UBN1: variants seen among roughly 807,000 people sequenced by gnomAD.
UBN1 encodes the protein ubinuclein 1.
UBN1 carries 17 observed loss-of-function variants against 108.5 expected under a neutral mutation model. That is an observed-to-expected ratio of 0.16 (90% CI 0.11 to 0.24). The LOEUF is 0.24. UBN1 is among the 10% of genes least tolerant of loss of function. The pLI is 1.00. For missense variants in UBN1, 1,595 were observed against 1,394.4 expected (o/e 1.14, Z -2.29); for synonymous variants, 726 against 564.2 (o/e 1.29, Z -4.07).
chr16:4,859,040 C>A lies in UBN1; in HGVS notation c.448C>A (p.Pro150Thr). Residue 150 changes from proline to threonine, a missense_variant, in exon 5 of 18, where the codon CCT (proline) becomes ACT (threonine). By Grantham distance (38) the Pro-to-Thr change is conservative (BLOSUM62 -1). Transcript: ENST00000262376. ...CCATCTTCAGTATGATGAGCTTGTT[C>A]CTGCTTCTTTGACTACGAAGTATGG... ...DNSEAYDELV[P>T]ASLTTKYGGF... is the part of the protein sequence containing the mutation. 1 of 1,613,868 alleles carries A rather than the reference C, an allele frequency of 6.2e-7. No individual in the cohort carries two copies. The highest frequency in any genetic ancestry group is 8.5e-7 in the Non-Finnish European group (1 of 1,179,946).
chr16:4,876,782 C>T (rs185360581), intron 15 of UBN1, 89 bp from the exon 16 acceptor site: 2 of 1,512,854 alleles, frequency 1.3e-6, no homozygotes, highest in African/African-American at 2.8e-5. Flanking sequence ...TGTGGACACA[C>T]AAGGAGGATC....
Position 4,849,403 on chromosome 16 carries a change from A to G in UBN1, c.-40+1193A>G, listed in dbSNP as rs934464840. Among the ~76,000 whole-genome samples the G allele has an allele frequency of 1.3e-5, 2 of 152,210 alleles. 1 individual carries two copies. Among genetic ancestry groups the G allele is most frequent in the Non-Finnish European group, 2.9e-5 (2 of 68,034 alleles). ...TAAGAATTCAGGAAGGGTACTCATTATAAGTTGGAATGCACAATTTAGTTT... is the reference window on the plus strand; with the variant it reads ...TAAGAATTCAGGAAGGGTACTCATTGTAAGTTGGAATGCACAATTTAGTTT... On this transcript the variant is annotated intron_variant, in intron 1 of 17. Transcript: ENST00000262376.
intron 1 of UBN1, among the ~76,000 whole-genome samples, chr16:4,849,131 C>A (rs973548985): frequency 6.6e-6 from 1 of 152,140 alleles, no homozygotes; most frequent in African/African-American, 2.4e-5. Context: ...AAAAAAAAAT[C>A]TCAAATGAAC....
chr16:4,877,153 A>T lies in UBN1; in HGVS notation c.3265+42A>T, dbSNP rs769249785. 1.3e-6 allele frequency: 2 copies of T among 1,562,454 alleles called. No individual in the cohort carries two copies. Among genetic ancestry groups the T allele is most frequent in the South Asian group, 2.4e-5 (2 of 82,286 alleles). Reference sequence around the variant, plus strand: ...TGCCTCTGGTCACTCAGGAACCTCTAGATTGTGGCCAGGGGTCCTGCTGTT... The same window carrying T: ...TGCCTCTGGTCACTCAGGAACCTCTTGATTGTGGCCAGGGGTCCTGCTGTT... On this transcript the variant is annotated intron_variant, in intron 16 of 17. Coordinates refer to ENST00000262376, the MANE Select transcript of UBN1 (RefSeq NM_001079514.3). This position sits in a 1 kb window ranked among gnomAD's most constrained non-coding sequence, Gnocchi z 4.3.
chr16:4,867,827 C>T (rs1006295868), intron 7 of UBN1, among the ~76,000 whole-genome samples: 2 of 152,094 alleles, frequency 1.3e-5, no homozygotes, highest in African/African-American at 4.8e-5. Flanking sequence ...TCCCTTCATT[C>T]TAGATAGTCA....
intron 7 of UBN1, among the ~76,000 whole-genome samples, chr16:4,864,149 C>A (rs1290156769): frequency 7.3e-6 from 1 of 137,820 alleles, no homozygotes; most frequent in Non-Finnish European, 1.5e-5. Context: ...GGTGCAATCT[C>A]AGCTCACTGC....
intron 12 of UBN1, among the ~76,000 whole-genome samples, chr16:4,871,690 C>T (rs897296531): frequency 2.7e-5 from 4 of 150,306 alleles, no homozygotes; most frequent in African/African-American, 9.8e-5. Context: ...AGGTTCACGC[C>T]GTTCTCCTGC....
chr16:4,854,774 A>G (rs561810866), intron 2 of UBN1, among the ~76,000 whole-genome samples: 3 of 148,452 alleles, frequency 2.0e-5, no homozygotes, highest in Non-Finnish European at 4.5e-5. Context: ...CCAGGCTGGC[A>G]TGCAGTGGTG....
Position 4,876,499 on chromosome 16 carries a change from A to G in UBN1, c.3025-372A>G, listed in dbSNP as rs140765718. ...TATAAATATCCATGAACATTTATGG[A>G]TATCTATATTACATTTTTCCCTTCA... On this transcript the variant is annotated intron_variant, in intron 15 of 17. Transcript: ENST00000262376. Among the ~76,000 whole-genome samples the G allele has an allele frequency of 2.6e-5, 4 of 151,928 alleles. No homozygotes were observed. The East Asian group carries it at 7.8e-4, about 30-fold the overall frequency.
In UBN1 at chr16:4,874,620, A is replaced by G; in HGVS notation, c.2210A>G (p.Asn737Ser). The part of the protein sequence containing the change: ...PPASSLQSPL[N>S]FLAEQALALG... ...GCTAGCTCTCTGCAGTCACCCCTCAATTTTCTGGCAGAACAGGCTCTGGCA... is the reference window on the plus strand; with the variant it reads ...GCTAGCTCTCTGCAGTCACCCCTCAGTTTTCTGGCAGAACAGGCTCTGGCA... Residue 737 changes from asparagine to serine, a missense_variant, in exon 15 of 18, where the codon AAT (asparagine) becomes AGT (serine). Coordinates refer to ENST00000262376, the MANE Select transcript of UBN1 (RefSeq NM_001079514.3). 8 of 1,613,912 alleles carry G rather than the reference A, an allele frequency of 5.0e-6. No individual in the cohort carries two copies. Among genetic ancestry groups the G allele is most frequent in the Non-Finnish European group, 6.8e-6 (8 of 1,179,968 alleles).
In UBN1 at chr16:4,847,501, G is replaced by A; in HGVS notation, c.-749G>A. ...CTCCCGGCTCCTTCCCCCTCCCTTCGGCTCGTGACAACGAAGCGCCCGCGG... is the reference window on the plus strand; with the variant it reads ...CTCCCGGCTCCTTCCCCCTCCCTTCAGCTCGTGACAACGAAGCGCCCGCGG... On this transcript the variant is annotated 5_prime_UTR_variant, in exon 1 of 18. Transcript: ENST00000262376. 2 of 547,322 alleles carry A rather than the reference G, an allele frequency of 3.7e-6. No individual in the cohort carries two copies. Among genetic ancestry groups the A allele is most frequent in the Non-Finnish European group, 6.2e-6 (2 of 324,918 alleles). 33.9% of individuals were successfully genotyped at this position (547,322 alleles called of 1,614,324 possible). A position where few individuals can be genotyped will look rare whatever the true frequency, so the allele number is the denominator to read the frequency against.
At chr16:4,865,896 A>G (rs549053403) in intron 7 of UBN1, among the ~76,000 whole-genome samples, 7 of 152,246 alleles carry the variant, frequency 4.6e-5, no homozygotes, top group African/African-American at 1.7e-4. Flanking sequence ...CGGGAGGTGG[A>G]GGTTGCAGTG....
intron 2 of UBN1, 129 bp downstream of exon 2, chr16:4,853,295 C>T (rs1596473316): frequency 7.7e-7 from 1 of 1,296,498 alleles, no homozygotes. Context: ...CTGTCACTCA[C>T]TCAAGGCAAG....
intron 7 of UBN1, among the ~76,000 whole-genome samples, chr16:4,863,326 G>A (rs908914216): frequency 6.6e-6 from 1 of 152,108 alleles, no homozygotes; most frequent in Non-Finnish European, 1.5e-5. Flanking sequence ...CTGCACTTGG[G>A]GCACTTGGAG....
At position 4,877,304 on chromosome 16, in the gene UBN1, T is replaced by C; in HGVS notation, c.3266-81T>C. 6.5e-7 allele frequency: 1 copy of C among 1,547,808 alleles called. No homozygotes were observed. On this transcript the variant is annotated intron_variant, in intron 16 of 17. Transcript: ENST00000262376. This position sits in a 1 kb window ranked among gnomAD's most constrained non-coding sequence, Gnocchi z 4.3. ...ACTGGCCTGGCAGGTTATCGGGGGC[T>C]TTTGGCTGCTGGAGCTGCTTTCCTG...
rs1322855836 is a variant in UBN1, at chr16:4,875,185, C to G, written c.2775C>G (p.Val925=). Residue 925 remains valine (V), a synonymous_variant, in exon 15 of 18, where the codon GTC becomes GTG. Transcript: ENST00000262376. ...SGSSSSGGTP[V]QSSVSGSLVP... ...GCTCTTCCTCGGGAGGAACACCAGT[C>G]CAGAGTTCTGTTTCTGGGAGCCTGG... The G allele has an allele frequency of 1.9e-6, 3 of 1,614,122 alleles. No homozygotes were observed. The highest frequency in any genetic ancestry group is 2.5e-6 in the Non-Finnish European group (3 of 1,180,056).
intron 15 of UBN1, 35 bp downstream of exon 15, chr16:4,875,469 C>G (rs1471772181): frequency 6.4e-7 from 1 of 1,570,832 alleles, no homozygotes; most frequent in Non-Finnish European, 8.6e-7. Context: ...CCCTGCCCCA[C>G]TCACAGGGGC....
At chr16:4,867,149 T>G (rs2087373717) in intron 7 of UBN1, among the ~76,000 whole-genome samples, 1 of 152,176 alleles carries the variant, frequency 6.6e-6, no homozygotes. Flanking sequence ...AAAGAGCTGC[T>G]GAAGGGTTCT....
chr16:4,854,430 G>C lies in UBN1; in HGVS notation c.249+1264G>C, dbSNP rs550445387. The stretch of plus-strand genomic sequence containing the variant: ...GCAATCTTGGCTCACTGCAACTTCC[G>C]CCTCCCAGGTTCAAATGTTTCTCCT... On this transcript the variant is annotated intron_variant, in intron 2 of 17. Transcript: ENST00000262376. Among the ~76,000 whole-genome samples, 3 of 150,804 alleles carry C rather than the reference G, an allele frequency of 2.0e-5. No homozygotes were observed. In the South Asian group the frequency reaches 6.3e-4, roughly 32 times the overall value.
Sources: allele counts gnomAD v4.1 joint callset (sites outside exome capture counted in the v4.1 genomes callset), GRCh38; gene constraint gnomAD v4.1.1; non-coding constraint Gnocchi (gnomAD v3.1); transcripts MANE v1.5; gene names NCBI Gene and HGNC (gene_info 2026-07-23, HGNC 2026-07-21).